GSE1: variants seen among roughly 807,000 people sequenced by gnomAD.
GSE1 encodes genetic suppressor element 1.
A neutral mutation model predicts 112.6 loss-of-function variants in GSE1; 32 were observed. That is an observed-to-expected ratio of 0.28 (90% CI 0.21 to 0.38). The LOEUF (loss-of-function observed/expected upper bound fraction) is 0.38. Ranked by LOEUF, GSE1 falls within the 10% of genes least tolerant of loss-of-function variation. The pLI, the probability that GSE1 is intolerant of heterozygous loss-of-function variation, is 1.00. For synonymous variants in GSE1, 1,115 were observed against 735.6 expected (o/e 1.52, Z -8.35); for missense variants, 2,348 against 1,699.2 (o/e 1.38, Z -6.71).
chr16:85,594,234 G>A (rs1475432424), intron 1 of GSE1: 1 of 113,244 alleles, frequency 8.8e-6, no homozygotes, highest in African/African-American at 3.1e-5. Flanking sequence ...CTGGGGGGTT[G>A]GGGGGGGGGG....
rs567620178 is a variant in GSE1, at chr16:85,643,991, A to G, written c.227-4561A>G. ...CACAGCTACTGGAATCTAGATGGGA[A>G]CACCCTGGGTTTGGGCCGGGTGCAC... On this transcript the variant is annotated intron_variant, in intron 2 of 15. Transcript: ENST00000253458. Among the ~76,000 whole-genome samples, 239 of 152,144 alleles carry G rather than the reference A, an allele frequency of 1.6e-3. 2 individuals carry two copies. Among genetic ancestry groups the G allele is most frequent in the African/African-American group, 5.6e-3 (233 of 41,498 alleles).
At chr16:85,481,924 C>G (rs942047059) in intron 2 of GSE1, among the ~76,000 whole-genome samples, 1 of 152,244 alleles carries the variant, frequency 6.6e-6, no homozygotes, top group African/African-American at 2.4e-5. Context: ...TCCACATTCT[C>G]AGCCGCCGAC....
chr16:85,505,573 T>G (rs958113688), intron 2 of GSE1, among the ~76,000 whole-genome samples: 4 of 152,180 alleles, frequency 2.6e-5, no homozygotes, highest in Non-Finnish European at 5.9e-5. Flanking sequence ...TGGGCATCAG[T>G]GTCCATCGCT....
At chr16:85,467,513 C>T (rs2050158415) in intron 2 of GSE1, among the ~76,000 whole-genome samples, 1 of 152,076 alleles carries the variant, frequency 6.6e-6, no homozygotes, top group Admixed American at 6.6e-5. Flanking sequence ...TGCCGATTCC[C>T]TACTTGTGCC....
rs775839514 is a variant in GSE1 at position 85,656,646 on chromosome 16, G to A, written c.1293G>A (p.Gln431=). ...AGGAGCGGGGCAAGCCCTCGGAGCA[G>A]CTGACCCCAACCCGAGCAGGTACCT... ...ATEERGKPSE[Q]LTPTRAEKLK... Residue 431 remains glutamine (Q), a synonymous_variant, in exon 7 of 16, where the codon CAG becomes CAA. Transcript: ENST00000253458. 2.6e-6 allele frequency: 4 copies of A among 1,528,416 alleles called. No homozygotes were observed. The African/African-American group carries it at 5.5e-5, about 21-fold the overall frequency. The allele number at this position is 1,528,416 out of a possible 1,614,324, so 94.7% of individuals were successfully genotyped here.
At chr16:85,247,466 G>T (rs1483885209) in intron 1 of GSE1, among the ~76,000 whole-genome samples, 1 of 152,196 alleles carries the variant, frequency 6.6e-6, no homozygotes, top group Non-Finnish European at 1.5e-5. Flanking sequence ...CAGGGACCGG[G>T]CCTGAGCCAG....
intron 2 of GSE1, among the ~76,000 whole-genome samples, chr16:85,483,638 G>T (rs2050750134): frequency 6.6e-6 from 1 of 152,280 alleles, no homozygotes; most frequent in African/African-American, 2.4e-5. Context: ...CGAGGCGGCG[G>T]GCTGAGACGG....
In GSE1 at chr16:85,542,422, G is replaced by A. The variant is rs955938446; in HGVS notation, c.2465-91492G>A. ...CCAGAGCCACACTGCACCTGCCACA[G>A]GGGCAGAACCGTGCTGGGACCCAGC... is the stretch of plus-strand genomic sequence containing the variant. On this transcript the variant is annotated intron_variant, in intron 2 of 2. Coordinates refer to the GSE1 transcript ENST00000637419. 3.3e-5 allele frequency among the ~76,000 whole-genome samples: 5 copies of A among 152,340 alleles called. 1 individual carries two copies. Among genetic ancestry groups the A allele is most frequent in the Middle Eastern group, 6.8e-3 (2 of 292 alleles).
chr16:85,623,130 A>G (rs1413041141), intron 1 of GSE1, among the ~76,000 whole-genome samples: 3 of 151,948 alleles, frequency 2.0e-5, no homozygotes, highest in Admixed American at 1.3e-4. Flanking sequence ...GACATTGCCC[A>G]TTGATTCTCG....
intron 2 of GSE1, among the ~76,000 whole-genome samples, chr16:85,486,240 C>T (rs973642245): frequency 2.0e-5 from 3 of 152,216 alleles, no homozygotes; most frequent in African/African-American, 7.2e-5. Flanking sequence ...CTTGCACACT[C>T]ACACACTCAT....
At chr16:85,612,026 T>C (rs1224993522), upstream of GSE1, among the ~76,000 whole-genome samples, 4 of 150,534 alleles carry the variant, frequency 2.7e-5, no homozygotes, top group Admixed American at 6.6e-5. Flanking sequence ...GCCCAGGGGG[T>C]GCTGGTTTGC....
chr16:85,661,789 G>T (rs1218171401), intron 9 of GSE1, 24 bp downstream of exon 9: 2 of 1,481,320 alleles, frequency 1.4e-6, no homozygotes, highest in Admixed American at 4.5e-5. Flanking sequence ...CGGGCCCCGA[G>T]CTGCTCAGGG....
At chr16:85,540,876 C>T (rs112667903) in intron 2 of GSE1, among the ~76,000 whole-genome samples, 75 of 152,266 alleles carry the variant, frequency 4.9e-4, no homozygotes, top group Non-Finnish European at 9.0e-4. Flanking sequence ...CACTGCACTC[C>T]GGCCTGAGCA....
At chr16:85,513,809 G>GA (rs752054406) in intron 2 of GSE1, among the ~76,000 whole-genome samples, 46 of 151,934 alleles carry the variant, frequency 3.0e-4, no homozygotes, top group Admixed American at 9.2e-4. Context: ...GCAGACCGGG[G>GA]AGGGGGGGTC....
chr16:85,619,420 C>T (rs762954889), intron 1 of GSE1, among the ~76,000 whole-genome samples: 5 of 110,054 alleles, frequency 4.5e-5, no homozygotes, highest in Non-Finnish European at 1.0e-4. Context: ...CGAGTGGAGG[C>T]GGGAGGGGGG....
intron 14 of GSE1, 38 bp downstream of exon 14, chr16:85,668,462 G>T (rs1555572355): frequency 5.1e-6 from 7 of 1,377,336 alleles, no homozygotes; most frequent in Non-Finnish European, 7.0e-6. Flanking sequence ...AGGGGGTCAG[G>T]AAAGTACCTT....
At chr16:85,437,525 C>T (rs146338201) in intron 2 of GSE1, among the ~76,000 whole-genome samples, 1 of 151,920 alleles carries the variant, frequency 6.6e-6, no homozygotes, top group Non-Finnish European at 1.5e-5. Context: ...GAGGGAGCTA[C>T]GTGTTTGCAC....
Position 85,478,903 on chromosome 16 carries a change from C to CT in GSE1, c.2464+121263dup, listed in dbSNP as rs1419317186. ...TCTTTCTTTCTTTCTTTCTTTCTTTCTTTCTTTCTTTCTTTCTTTCTTTCT... is the reference window on the plus strand; with the variant it reads ...TCTTTCTTTCTTTCTTTCTTTCTTTCTTTTCTTTCTTTCTTTCTTTCTTTCT... On this transcript the variant is annotated intron_variant, in intron 2 of 2. Coordinates refer to the GSE1 transcript ENST00000637419. 5.6e-4 allele frequency among the ~76,000 whole-genome samples: 38 copies of CT among 67,608 alleles called. 6 individuals are homozygous for CT. The highest frequency in any genetic ancestry group is 2.7e-3 in the African/African-American group (38 of 14,294). 44.4% of individuals were successfully genotyped at this position (67,608 alleles called of 152,430 possible).
At chr16:85,524,243 C>T (rs1239306515) in intron 2 of GSE1, among the ~76,000 whole-genome samples, 1 of 152,112 alleles carries the variant, frequency 6.6e-6, no homozygotes, top group Non-Finnish European at 1.5e-5. Flanking sequence ...GCAGAGGTGA[C>T]GCGGGGTGGC....
Sources: gnomAD v4.1 joint callset for allele counts (sites outside exome capture counted in the v4.1 genomes callset) on GRCh38, gnomAD v4.1.1 for gene constraint, MANE v1.5 for transcripts, NCBI Gene and HGNC (gene_info 2026-07-23, HGNC 2026-07-21) for gene names.